The following SH3GL3 variants were observed in gnomAD, a reference collection of about 807,000 sequenced individuals.
The protein encoded by SH3GL3 is SH3 domain containing GRB2 like 3, endophilin A3.
A neutral mutation model predicts 47.7 loss-of-function variants in SH3GL3; 33 were observed. The observed-to-expected ratio is 0.69, with a 90% CI of 0.52 to 0.92. The LOEUF is 0.92. SH3GL3 is among the 40% of genes least tolerant of loss of function. The pLI is 0.00. For missense variants in SH3GL3, 363 were observed against 417.8 expected (o/e 0.87, Z 1.14); for synonymous variants, 155 against 148.8 (o/e 1.04, Z -0.30).
intron 5 of SH3GL3, among the ~76,000 whole-genome samples, chr15:83,574,052 C>T (rs1369750076): frequency 6.6e-6 from 1 of 152,114 alleles, no homozygotes; most frequent in Non-Finnish European, 1.5e-5. Flanking sequence ...GCAAAATATC[C>T]AGCACAAGCT....
chr15:83,625,641 A>T, the SH3GL3 span, among the ~76,000 whole-genome samples: 1 of 152,062 alleles, frequency 6.6e-6, no homozygotes, highest in Non-Finnish European at 1.5e-5. Flanking sequence ...TCAATTTTAT[A>T]TGTTATTTTT....
At chr15:83,527,950 G>T (rs1022443828) in intron 1 of SH3GL3, among the ~76,000 whole-genome samples, 1 of 152,058 alleles carries the variant, frequency 6.6e-6, no homozygotes, top group Non-Finnish European at 1.5e-5. Context: ...CCAGATTTAG[G>T]GCTCCGTTAA....
intron 1 of SH3GL3, among the ~76,000 whole-genome samples, chr15:83,493,157 T>C (rs759064675): frequency 6.6e-6 from 1 of 152,194 alleles, no homozygotes; most frequent in Non-Finnish European, 1.5e-5. Context: ...GCTTATCTGC[T>C]AGAGATCCAC....
chr15:83,553,354 G>A (rs2044764074), intron 1 of SH3GL3, among the ~76,000 whole-genome samples: 3 of 152,196 alleles, frequency 2.0e-5, no homozygotes, highest in South Asian at 4.1e-4. Context: ...CTTAGAAGAT[G>A]TATATAGCTA....
At chr15:83,625,390 C>A in the SH3GL3 span, among the ~76,000 whole-genome samples, 1 of 152,200 alleles carries the variant, frequency 6.6e-6, no homozygotes, top group Non-Finnish European at 1.5e-5. Flanking sequence ...AGTGTCTGTC[C>A]TGCATGTAAC....
intron 1 of SH3GL3, among the ~76,000 whole-genome samples, chr15:83,493,138 A>T (rs1169447041): frequency 1.3e-5 from 2 of 152,100 alleles, no homozygotes; most frequent in African/African-American, 4.8e-5. Flanking sequence ...TATTTTTTTA[A>T]AAAAGAGTGC....
Position 83,575,531 on chromosome 15 carries a change from CT to C in SH3GL3, c.466-1051del, listed in dbSNP as rs1327295493. Among the ~76,000 whole-genome samples, 4 of 152,334 alleles carry C rather than the reference CT, an allele frequency of 2.6e-5. No homozygotes were observed. The East Asian group carries it at 7.7e-4, about 29-fold the overall frequency. The stretch of plus-strand genomic sequence containing the variant: ...TTTAGGAAGCCTTTCATAGTCTCAG[CT>C]ATGCTCTGTGTCGCTCAGAAATCAG... On this transcript the variant is annotated intron_variant, in intron 5 of 8. Transcript: ENST00000427482.
At chr15:83,583,863 C>T (rs2059895304) in intron 6 of SH3GL3, among the ~76,000 whole-genome samples, 2 of 152,164 alleles carry the variant, frequency 1.3e-5, no homozygotes, top group African/African-American at 2.4e-5. Flanking sequence ...GGGCCCATTA[C>T]CCCCTGAGCT....
rs184134838 is a variant in SH3GL3, at chr15:83,533,037, C to T, written c.46-26216C>T. ...GGGCTGGGCCCATTGACACTGTATG[C>T]AAAATTTGGGTTCTGTTAGTGAGGA... On this transcript the variant is annotated intron_variant, in intron 1 of 8. Transcript: ENST00000427482. Among the ~76,000 whole-genome samples the T allele has an allele frequency of 1.5e-4, 23 of 152,266 alleles. No homozygotes were observed. The East Asian group carries it at 4.4e-3, about 29-fold the overall frequency.
At chr15:83,575,413 C>G (rs941796049) in intron 5 of SH3GL3, among the ~76,000 whole-genome samples, 9 of 152,190 alleles carry the variant, frequency 5.9e-5, no homozygotes, top group African/African-American at 2.2e-4. Flanking sequence ...AAATAGTTTT[C>G]TAAATGCCAT....
chr15:83,490,734 G>A (rs1305864870), intron 1 of SH3GL3: 1 of 1,571,808 alleles, frequency 6.4e-7, no homozygotes, highest in Non-Finnish European at 8.7e-7. Flanking sequence ...TTTGGAATTT[G>A]TTCACTTTTA....
intron 8 of SH3GL3, among the ~76,000 whole-genome samples, chr15:83,597,315 C>G (rs2060260151): frequency 6.6e-6 from 1 of 152,160 alleles, no homozygotes; most frequent in Non-Finnish European, 1.5e-5. Context: ...CTTATAAGGA[C>G]CCTTGTGATT....
At chr15:83,462,461 C>A (rs989211996) in intron 1 of SH3GL3, among the ~76,000 whole-genome samples, 1 of 152,156 alleles carries the variant, frequency 6.6e-6, no homozygotes, top group East Asian at 1.9e-4. Context: ...TCATATTGTA[C>A]TAGTGGGCCC....
intron 1 of SH3GL3, among the ~76,000 whole-genome samples, chr15:83,520,871 G>A (rs1272840686): frequency 6.6e-6 from 1 of 152,068 alleles, no homozygotes; most frequent in Non-Finnish European, 1.5e-5. Flanking sequence ...CTTGAGTGTA[G>A]TAATCATTTC....
intron 1 of SH3GL3, among the ~76,000 whole-genome samples, chr15:83,541,064 T>C (rs2044129426): frequency 6.6e-6 from 1 of 152,136 alleles, no homozygotes; most frequent in East Asian, 1.9e-4. Context: ...CTGGCTTATT[T>C]CACTTAACAT....
intron 1 of SH3GL3, among the ~76,000 whole-genome samples, chr15:83,449,418 C>G (rs749279982): frequency 6.6e-5 from 10 of 152,180 alleles, no homozygotes; most frequent in Non-Finnish European, 1.3e-4. Flanking sequence ...TAATCGCTGG[C>G]TGTACTTGTT....
intron 8 of SH3GL3, among the ~76,000 whole-genome samples, chr15:83,601,762 A>AT (rs776171997): frequency 9.9e-5 from 15 of 151,638 alleles, no homozygotes; most frequent in Non-Finnish European, 2.1e-4. Flanking sequence ...AATAGTGTCA[A>AT]TAGGATTGGT....
At chr15:83,490,589 G>C (rs764659352) in intron 1 of SH3GL3, among the ~76,000 whole-genome samples, 4 of 152,184 alleles carry the variant, frequency 2.6e-5, no homozygotes, top group Non-Finnish European at 5.9e-5. Flanking sequence ...CCTCCGTGAT[G>C]TCACAGTTGG....
chr15:83,612,999 T>A (rs1160761443), intron 8 of SH3GL3, among the ~76,000 whole-genome samples: 1 of 152,238 alleles, frequency 6.6e-6, no homozygotes. Context: ...TGTTCATGTC[T>A]GGGTTCCACC....
Sources: gnomAD v4.1 joint callset for allele counts (sites outside exome capture counted in the v4.1 genomes callset) on GRCh38, gnomAD v4.1.1 for gene constraint, MANE v1.5 for transcripts, NCBI Gene and HGNC (gene_info 2026-07-23, HGNC 2026-07-21) for gene names.